The following CACNA1E variants were observed in gnomAD, a reference collection of about 807,000 sequenced individuals.
The protein encoded by CACNA1E is calcium voltage-gated channel subunit alpha1 E.
A neutral mutation model predicts 259.2 loss-of-function variants in CACNA1E; 40 were observed. The ratio of observed to expected loss-of-function variants is 0.15; its 90% CI spans 0.12 to 0.20. The LOEUF (loss-of-function observed/expected upper bound fraction) is 0.20, where lower values mean the gene tolerates loss of function less well. CACNA1E is among the 10% of genes least tolerant of loss of function. CACNA1E has a pLI of 1.00. For missense variants in CACNA1E, 1,874 were observed against 3,040.1 expected, an observed-to-expected ratio of 0.62 and a Z score of 9.02; for synonymous variants, 1,104 against 1,138.5, an observed-to-expected ratio of 0.97 and a Z score of 0.61.
intron 17 of CACNA1E, 94 bp from the exon 18 acceptor site, chr1:181,725,970 CT>C (rs753905812): frequency 1.6e-5 from 12 of 753,050 alleles, no homozygotes; most frequent in Non-Finnish European, 2.2e-5. Context: ...CCTCACTTCA[CT>C]TGGTATTCAG....
Position 181,669,542 on chromosome 1 carries a change from C to T in CACNA1E, c.1055+18101C>T, listed in dbSNP as rs573017643. On this transcript the variant is annotated intron_variant, in intron 7 of 47. Coordinates refer to ENST00000367573, the MANE Select transcript of CACNA1E (RefSeq NM_001205293.3). ...TACTCCTCTATTAGAGCACTCGTTA[C>T]GTTATTTTATAGTTATTTGTGGAGG... Among the ~76,000 whole-genome samples the T allele has an allele frequency of 9.8e-5, 15 of 152,306 alleles. No homozygotes were observed. In the Middle Eastern group the frequency reaches 0.01, roughly 104 times the overall value.
chr1:181,563,026 T>C (rs1028539095), intron 3 of CACNA1E, among the ~76,000 whole-genome samples: 1 of 152,208 alleles, frequency 6.6e-6, no homozygotes, highest in Non-Finnish European at 1.5e-5. Context: ...TCAGAAGTAC[T>C]AGAATGAATT....
Position 181,758,193 on chromosome 1 carries a change from C to A in CACNA1E, c.4494+82C>A. 8.0e-7 allele frequency: 1 copy of A among 1,250,434 alleles called. No homozygotes were observed. The highest frequency in any genetic ancestry group is 1.1e-6 in the Non-Finnish European group (1 of 871,466). The allele number at this position is 1,250,434 out of a possible 1,614,324, so 77.5% of individuals were successfully genotyped here. On this transcript the variant is annotated intron_variant, in intron 31 of 47. Transcript: ENST00000367573. The surrounding 1 kb of genome is among the most constrained non-coding windows in gnomAD (Gnocchi z 4.2). ...GCAAGTGGGAAGACACCCCAACATCCCAGCCCATCACTGCTTTACCTACTT... is the reference window on the plus strand; with the variant it reads ...GCAAGTGGGAAGACACCCCAACATCACAGCCCATCACTGCTTTACCTACTT...
chr1:181,674,356 G>C (rs566416999), intron 7 of CACNA1E, among the ~76,000 whole-genome samples: 15 of 126,400 alleles, frequency 1.2e-4, no homozygotes, highest in Non-Finnish European at 1.9e-4. Flanking sequence ...TCGCGCCACT[G>C]TGCACTCCAG....
Position 181,758,623 on chromosome 1 carries a change from T to G in CACNA1E, c.4495-135T>G. ...TGGTTCTCCTCTCCAGCACTCGAAG[T>G]CCATCTCTCCTCCTGTACCACACAC... is the stretch of plus-strand genomic sequence containing the variant. On this transcript the variant is annotated intron_variant, in intron 31 of 47. Coordinates refer to ENST00000367573, the MANE Select transcript of CACNA1E (RefSeq NM_001205293.3). The surrounding 1 kb of genome is among the most constrained non-coding windows in gnomAD (Gnocchi z 4.2). 1 of 573,392 alleles carries G rather than the reference T, an allele frequency of 1.7e-6. No individual in the cohort carries two copies. The highest frequency in any genetic ancestry group is 3.1e-6 in the Non-Finnish European group (1 of 322,198). 35.5% of individuals were successfully genotyped at this position (573,392 alleles called of 1,614,324 possible). A position where few individuals can be genotyped will look rare whatever the true frequency, so the allele number is the denominator to read the frequency against.
intron 2 of CACNA1E, among the ~76,000 whole-genome samples, chr1:181,473,855 G>A (rs1436541229): frequency 6.6e-6 from 1 of 152,202 alleles, no homozygotes; most frequent in Non-Finnish European, 1.5e-5. Flanking sequence ...CCACCTATGT[G>A]ACCATCAGGG....
At chr1:181,442,406 G>T (rs1047366107) in intron 2 of CACNA1E, among the ~76,000 whole-genome samples, 5 of 151,176 alleles carry the variant, frequency 3.3e-5, no homozygotes, top group Non-Finnish European at 5.9e-5. Flanking sequence ...GGGGGAACAT[G>T]TGTGAAGGGT....
intron 40 of CACNA1E, among the ~76,000 whole-genome samples, chr1:181,784,256 T>C (rs186026018): frequency 1.3e-5 from 2 of 152,302 alleles, no homozygotes; most frequent in East Asian, 3.9e-4. Flanking sequence ...TTGTGCAATC[T>C]AAATCCTTTT....
intron 5 of CACNA1E, among the ~76,000 whole-genome samples, chr1:181,579,708 A>ACTCTTTGTATT (rs1479930754): frequency 1.3e-5 from 2 of 152,198 alleles, no homozygotes; most frequent in Non-Finnish European, 2.9e-5. Context: ...TACTCTTTGT[A>ACTCTTTGTATT]CAGCAGCCTC....
chr1:181,565,919 G>A (rs112364096), intron 3 of CACNA1E, among the ~76,000 whole-genome samples: 2,222 of 152,246 alleles, frequency 0.015, 24 homozygotes, highest in Middle Eastern at 0.044. Context: ...GTGGGTGGTA[G>A]ATCAACAGAA....
At chr1:181,663,769 A>AT (rs947093930) in intron 7 of CACNA1E, among the ~76,000 whole-genome samples, 1 of 152,204 alleles carries the variant, frequency 6.6e-6, no homozygotes, top group African/African-American at 2.4e-5. Context: ...TAGGTTGGAC[A>AT]TTTTTACACT....
rs1040441274 is a variant in CACNA1E, at chr1:181,743,094, G to A, written c.3719+3841G>A. Among the ~76,000 whole-genome samples, 7 of 152,242 alleles carry A rather than the reference G, an allele frequency of 4.6e-5. No homozygotes were observed. In the South Asian group the frequency reaches 8.3e-4, roughly 18 times the overall value. On this transcript the variant is annotated intron_variant, in intron 25 of 47. Coordinates refer to ENST00000367573, the MANE Select transcript of CACNA1E (RefSeq NM_001205293.3). ...TCAGGTCTCCTTCCTTAAGCCCACC[G>A]TCCCTGCAGGGAGGTGGGCAGAGTT...
At chr1:181,433,504 T>C (rs1024681406) in intron 2 of CACNA1E, among the ~76,000 whole-genome samples, 1 of 152,132 alleles carries the variant, frequency 6.6e-6, no homozygotes, top group Admixed American at 6.5e-5. Flanking sequence ...ACAATATACA[T>C]TTTTTTCTTT....
chr1:181,687,142 T>C (rs1370457646), intron 7 of CACNA1E, among the ~76,000 whole-genome samples: 1 of 152,132 alleles, frequency 6.6e-6, no homozygotes, highest in Non-Finnish European at 1.5e-5. Context: ...GAATGAACCA[T>C]CTAACCTCCA....
At chr1:181,318,734 C>G (rs939668492) in intron 1 of CACNA1E, among the ~76,000 whole-genome samples, 8 of 152,314 alleles carry the variant, frequency 5.3e-5, no homozygotes, top group Non-Finnish European at 8.8e-5. Flanking sequence ...TTGGAGGCGA[C>G]TCGGGACTGC....
intron 41 of CACNA1E, 147 bp from the exon 42 acceptor site, chr1:181,785,171 A>G: frequency 1.5e-6 from 1 of 645,290 alleles, no homozygotes; most frequent in Non-Finnish European, 2.8e-6. Flanking sequence ...AGATCCTGGC[A>G]CCATGGGGGC....
chr1:181,456,410 AG>A (rs1463525351), intron 2 of CACNA1E, among the ~76,000 whole-genome samples: 1 of 152,088 alleles, frequency 6.6e-6, no homozygotes, highest in Non-Finnish European at 1.5e-5. Flanking sequence ...GGGTAAGGAG[AG>A]GCTGTGCCTG....
intron 1 of CACNA1E, among the ~76,000 whole-genome samples, chr1:181,374,789 G>C (rs143333208): frequency 9.1e-4 from 138 of 152,264 alleles, no homozygotes; most frequent in African/African-American, 2.5e-3. Context: ...TAAGTCAGCA[G>C]GGTCTTAAGC....
At chr1:181,629,708 A>G (rs535591556) in intron 6 of CACNA1E, among the ~76,000 whole-genome samples, 1 of 152,312 alleles carries the variant, frequency 6.6e-6, no homozygotes, top group African/African-American at 2.4e-5. Context: ...ACATATAGAA[A>G]TATGGACAAA....
Sources: gnomAD v4.1 joint callset for allele counts (sites outside exome capture counted in the v4.1 genomes callset) on GRCh38, gnomAD v4.1.1 for gene constraint, Gnocchi (gnomAD v3.1) non-coding constraint, MANE v1.5 for transcripts, NCBI Gene and HGNC (gene_info 2026-07-23, HGNC 2026-07-21) for gene names.